TAFA2: variants seen among roughly 807,000 people sequenced by gnomAD.
The protein encoded by TAFA2 is TAFA chemokine like family member 2.
TAFA2 carries 7 observed loss-of-function variants against 18.8 expected under a neutral mutation model. That is an observed-to-expected ratio of 0.37 (90% CI 0.21 to 0.70). The LOEUF (loss-of-function observed/expected upper bound fraction) is 0.70. Ranked by LOEUF, TAFA2 falls within the 30% of genes least tolerant of loss-of-function variation. The pLI, the probability that TAFA2 is intolerant of heterozygous loss-of-function variation, is 0.53. For synonymous variants in TAFA2, 60 were observed against 54.2 expected (o/e 1.11, Z -0.47); for missense variants, 122 against 158.1 (o/e 0.77, Z 1.23).
chr12:61,995,511 T>C (rs1378110105), intron 1 of TAFA2, among the ~76,000 whole-genome samples: 1 of 152,230 alleles, frequency 6.6e-6, no homozygotes, highest in Non-Finnish European at 1.5e-5. Flanking sequence ...GTTTCGTCTG[T>C]CTTCTCTATT....
intron 1 of TAFA2, among the ~76,000 whole-genome samples, chr12:62,082,436 A>G (rs1868338425): frequency 6.6e-6 from 1 of 152,118 alleles, no homozygotes; most frequent in Non-Finnish European, 1.5e-5. Flanking sequence ...TTTAAGGTGT[A>G]CAAATATCAC....
intron 1 of TAFA2, among the ~76,000 whole-genome samples, chr12:61,954,158 C>A (rs1413209515): frequency 6.6e-6 from 1 of 152,118 alleles, no homozygotes; most frequent in Non-Finnish European, 1.5e-5. Flanking sequence ...TAGTGTTTAT[C>A]ATTTCACACT....
At chr12:62,113,068 T>C (rs558983404) in intron 1 of TAFA2, among the ~76,000 whole-genome samples, 10 of 152,228 alleles carry the variant, frequency 6.6e-5, no homozygotes, top group Non-Finnish European at 1.3e-4. Context: ...AGGGATTCTG[T>C]TTTTGGAATT....
intron 4 of TAFA2, among the ~76,000 whole-genome samples, chr12:61,731,910 C>T (rs1294411599): frequency 6.6e-6 from 1 of 151,978 alleles, no homozygotes; most frequent in African/African-American, 2.4e-5. Context: ...ATTTATTGAG[C>T]ATGTACTAAG....
chr12:62,040,755 G>A (rs1239478413), intron 1 of TAFA2, among the ~76,000 whole-genome samples: 1 of 152,094 alleles, frequency 6.6e-6, no homozygotes, highest in South Asian at 2.1e-4. Context: ...GGAACAAAAC[G>A]AAGTACCCAC....
At chr12:62,144,360 G>C (rs2136911236) in intron 1 of TAFA2, among the ~76,000 whole-genome samples, 1 of 152,224 alleles carries the variant, frequency 6.6e-6, no homozygotes, top group South Asian at 2.1e-4. Flanking sequence ...AGTCATGACT[G>C]GATATCGTTC....
chr12:61,903,521 G>A (rs911919185), intron 1 of TAFA2, among the ~76,000 whole-genome samples: 26 of 152,016 alleles, frequency 1.7e-4, no homozygotes, highest in Middle Eastern at 3.2e-3. Context: ...CTTTTCTGTC[G>A]TCTTCACCAC....
chr12:61,742,832 C>A (rs1195093196), intron 4 of TAFA2, among the ~76,000 whole-genome samples: 1 of 151,784 alleles, frequency 6.6e-6, no homozygotes, highest in Non-Finnish European at 1.5e-5. Context: ...AATTAATTAC[C>A]AAGCCCTATC....
At chr12:61,993,591 C>T (rs1880082704) in intron 1 of TAFA2, among the ~76,000 whole-genome samples, 1 of 152,072 alleles carries the variant, frequency 6.6e-6, no homozygotes, top group African/African-American at 2.4e-5. Flanking sequence ...TGTTGCCATT[C>T]AGAAATTTCT....
At chr12:61,782,128 A>AT (rs1403042231) in intron 2 of TAFA2, among the ~76,000 whole-genome samples, 1 of 151,656 alleles carries the variant, frequency 6.6e-6, no homozygotes, top group Non-Finnish European at 1.5e-5. Flanking sequence ...CGAAATTCTA[A>AT]TGTCCCTCAA....
At chr12:62,153,064 T>C (rs2062340401) in intron 1 of TAFA2, among the ~76,000 whole-genome samples, 1 of 152,190 alleles carries the variant, frequency 6.6e-6, no homozygotes, top group Non-Finnish European at 1.5e-5. Context: ...TTTTAATGAA[T>C]GAATACAATG....
At chr12:62,147,744 A>G (rs1225487077) in intron 1 of TAFA2, among the ~76,000 whole-genome samples, 1 of 150,796 alleles carries the variant, frequency 6.6e-6, no homozygotes, top group Non-Finnish European at 1.5e-5. Flanking sequence ...AAAAAAAAAA[A>G]AAAAAAAGAA....
At chr12:62,069,452 C>G (rs1485620640) in intron 1 of TAFA2, among the ~76,000 whole-genome samples, 1 of 152,148 alleles carries the variant, frequency 6.6e-6, no homozygotes, top group Non-Finnish European at 1.5e-5. Flanking sequence ...GCTTAAGGTA[C>G]TTCCTGGATA....
At chr12:62,158,223 C>A (rs913746516) in intron 1 of TAFA2, among the ~76,000 whole-genome samples, 1 of 152,038 alleles carries the variant, frequency 6.6e-6, no homozygotes, top group African/African-American at 2.4e-5. Context: ...TGCATTAATT[C>A]AAATTTTGTT....
At chr12:62,188,817 C>A (rs1374818286) in intron 1 of TAFA2, among the ~76,000 whole-genome samples, 2 of 151,966 alleles carry the variant, frequency 1.3e-5, no homozygotes, top group Non-Finnish European at 2.9e-5. Flanking sequence ...GAAAACTGGC[C>A]ATATCTAAAA....
chr12:61,735,448 C>T (rs556903764), intron 4 of TAFA2, among the ~76,000 whole-genome samples: 1 of 152,082 alleles, frequency 6.6e-6, no homozygotes, highest in East Asian at 1.9e-4. Context: ...TGTGATGTTT[C>T]CATGCATATA....
chr12:61,799,256 G>A (rs1299439447), intron 2 of TAFA2, among the ~76,000 whole-genome samples: 1 of 152,110 alleles, frequency 6.6e-6, no homozygotes, highest in Non-Finnish European at 1.5e-5. Flanking sequence ...ATAATGTGCT[G>A]TTTATAGTTC....
chr12:61,755,547 GAACA>G (rs1395955103), intron 2 of TAFA2, among the ~76,000 whole-genome samples: 1 of 152,038 alleles, frequency 6.6e-6, no homozygotes, highest in Non-Finnish European at 1.5e-5. Flanking sequence ...CCCTGAAAAT[GAACA>G]AATCCAGTGA....
At position 61,937,279 on chromosome 12, in the gene TAFA2, C is replaced by T. The variant is rs138021752; in HGVS notation, c.-1-69853G>A. ...GCAATTCCTATCAAAATATCAACAT[C>T]ATTTTTCACAAAATTAGAAAAAAAC... On this transcript the variant is annotated intron_variant, in intron 1 of 4. Coordinates refer to ENST00000416284, the MANE Select transcript of TAFA2 (RefSeq NM_178539.5). 3.9e-5 allele frequency among the ~76,000 whole-genome samples: 6 copies of T among 152,170 alleles called. 1 individual carries two copies. Among genetic ancestry groups the T allele is most frequent in the African/African-American group, 1.4e-4 (6 of 41,536 alleles).
Sources: allele counts gnomAD v4.1 joint callset (sites outside exome capture counted in the v4.1 genomes callset), GRCh38; gene constraint gnomAD v4.1.1; transcripts MANE v1.5; gene names NCBI Gene and HGNC (gene_info 2026-07-23, HGNC 2026-07-21).